SETD3: variants seen among roughly 807,000 people sequenced by gnomAD.
SETD3 encodes SET domain containing 3, actin N3(tau)-histidine methyltransferase.
In SETD3, 19 loss-of-function variants were observed where a neutral mutation model predicts 63.0. The observed-to-expected ratio is 0.30, with a 90% confidence interval of 0.21 to 0.44. The LOEUF is 0.44. SETD3 is among the 20% of genes least tolerant of loss of function. The pLI is 1.00. For missense variants in SETD3, 587 were observed against 728.5 expected (o/e 0.81, Z 2.24); for synonymous variants, 286 against 264.1 (o/e 1.08, Z -0.80).
rs561840260 is a variant in SETD3, at chr14:99,458,602, G to A, written c.419-67C>T. On this transcript the variant is annotated intron_variant, in intron 5 of 12. Transcript: ENST00000331768. Reference sequence around the variant, plus strand: ...TCTTAAAAACTTCATTTAAATATACGTTTACAAATTACAGAAAAACTAAAA... The same window carrying A: ...TCTTAAAAACTTCATTTAAATATACATTTACAAATTACAGAAAAACTAAAA... The A allele has an allele frequency of 2.8e-5, 43 of 1,541,542 alleles. No individual in the cohort carries two copies. In the South Asian group the frequency reaches 3.3e-4, roughly 12 times the overall value.
chr14:99,464,327 C>T (rs995755185), intron 2 of SETD3, among the ~76,000 whole-genome samples: 1 of 152,218 alleles, frequency 6.6e-6, no homozygotes, highest in Non-Finnish European at 1.5e-5. Context: ...CCTTTGGGGC[C>T]CCTTTGCTCT....
At chr14:99,459,686 T>G (rs1894963719) in intron 4 of SETD3, among the ~76,000 whole-genome samples, 1 of 152,236 alleles carries the variant, frequency 6.6e-6, no homozygotes, top group South Asian at 2.1e-4. Context: ...TGAAATCACA[T>G]GCCCAGAAGA....
At chr14:99,482,793 T>G (rs3918042), upstream of SETD3, among the ~76,000 whole-genome samples, 950 of 152,292 alleles carry the variant, frequency 6.2e-3, 17 homozygotes, top group African/African-American at 0.022. Context: ...TAAAGAAAAA[T>G]TGGTCATAGC....
At chr14:99,428,626 C>A (rs1893009772) in intron 6 of SETD3, among the ~76,000 whole-genome samples, 1 of 152,000 alleles carries the variant, frequency 6.6e-6, no homozygotes, top group Non-Finnish European at 1.5e-5. Flanking sequence ...GCCTGGGTGA[C>A]AGAGTAAGTC....
Position 99,458,379 on chromosome 14 carries a change from T to C in SETD3, c.575A>G (p.Asp192Gly), listed in dbSNP as rs376018301. ...EYDTPLYFEE[D>G]EVRYLQSTQA... ...TGTGGACTGAAGATACCGAACTTCA[T>C]CTTCTTCAAAGTAGAGAGGAGTGTC... is the stretch of plus-strand genomic sequence containing the variant. The change falls in exon 6 of 13, where the codon GAT becomes GGT. Residue 192 changes from aspartate (D) to glycine (G), a missense_variant. Asp to Gly is a moderately conservative substitution (Grantham distance 94, BLOSUM62 -1). Transcript: ENST00000331768. The C allele has an allele frequency of 1.2e-5, 19 of 1,614,142 alleles. No individual in the cohort carries two copies. The highest frequency in any genetic ancestry group is 1.7e-5 in the Admixed American group (1 of 60,008).
At chr14:99,454,389 A>G (rs930957629) in intron 6 of SETD3, among the ~76,000 whole-genome samples, 1 of 152,116 alleles carries the variant, frequency 6.6e-6, no homozygotes, top group Non-Finnish European at 1.5e-5. Context: ...CAGGCTTGAC[A>G]GCAACTTTGA....
chr14:99,477,512 T>C lies in SETD3; in HGVS notation c.-9+3216A>G, dbSNP rs1595288298. Among the ~76,000 whole-genome samples the C allele has an allele frequency of 2.0e-5, 3 of 152,146 alleles. No homozygotes were observed. The East Asian group carries it at 5.8e-4, about 29-fold the overall frequency. On this transcript the variant is annotated intron_variant, in intron 1 of 12. Coordinates refer to ENST00000331768, the MANE Select transcript of SETD3 (RefSeq NM_032233.3). ...GCTCACGCCTGTAATCCCAGCACTTTGGGAGGCTGAGGTGGGCGGATCATC... is the reference window on the plus strand; with the variant it reads ...GCTCACGCCTGTAATCCCAGCACTTCGGGAGGCTGAGGTGGGCGGATCATC...
intron 8 of SETD3, chr14:99,412,628 G>A (rs764858908): frequency 1.3e-5 from 3 of 224,464 alleles, no homozygotes; most frequent in African/African-American, 6.8e-5. Flanking sequence ...AGAAACTTTG[G>A]TTTAGTCTGT....
chr14:99,453,342 A>T (rs1894570596), intron 6 of SETD3, among the ~76,000 whole-genome samples: 1 of 152,218 alleles, frequency 6.6e-6, no homozygotes, highest in Non-Finnish European at 1.5e-5. Context: ...AAAACTAGAA[A>T]AACAGCTAGA....
Position 99,480,849 on chromosome 14 carries a change from G to GACGGC in SETD3, c.-135_-131dup, listed in dbSNP as rs1290746614. 17 of 159,152 alleles carry GACGGC rather than the reference G, an allele frequency of 1.1e-4. No individual in the cohort carries two copies. The highest frequency in any genetic ancestry group is 4.1e-4 in the African/African-American group (17 of 41,436). The allele number at this position is 159,152 out of a possible 1,614,324, so 9.9% of individuals were successfully genotyped here. On this transcript the variant is annotated 5_prime_UTR_variant, in exon 1 of 13. Coordinates refer to ENST00000331768, the MANE Select transcript of SETD3 (RefSeq NM_032233.3). ...GGCGGCGGCCGGACGGGAGGGGCGG[G>GACGGC]ACGGCAGCCTGAGACGGCCCCGCGA...
At chr14:99,447,887 G>A (rs1894226374) in intron 6 of SETD3, among the ~76,000 whole-genome samples, 1 of 152,172 alleles carries the variant, frequency 6.6e-6, no homozygotes, top group Non-Finnish European at 1.5e-5. Context: ...GATCTTTAGG[G>A]AGCTGGAAGA....
At chr14:99,465,369 A>G (rs1895312268) in intron 2 of SETD3, among the ~76,000 whole-genome samples, 1 of 152,246 alleles carries the variant, frequency 6.6e-6, no homozygotes, top group Non-Finnish European at 1.5e-5. Flanking sequence ...GGAAGGGTTC[A>G]GTAATCTGCC....
At chr14:99,418,475 T>C (rs945424793) in intron 6 of SETD3, among the ~76,000 whole-genome samples, 3 of 152,164 alleles carry the variant, frequency 2.0e-5, no homozygotes, top group African/African-American at 7.2e-5. Context: ...AACTCTCACA[T>C]TTGGCCTTTT....
intron 12 of SETD3, among the ~76,000 whole-genome samples, chr14:99,399,750 T>A: frequency 7.2e-6 from 1 of 139,436 alleles, no homozygotes. Flanking sequence ...AATTTTTTTT[T>A]TTTTTTTTTT....
intron 6 of SETD3, 101 bp downstream of exon 6, chr14:99,458,178 A>T: frequency 7.7e-7 from 1 of 1,307,156 alleles, no homozygotes; most frequent in Non-Finnish European, 1.1e-6. Context: ...TAAAATGTTT[A>T]AGTATCCTTA....
At chr14:99,455,631 T>A (rs970058107) in intron 6 of SETD3, among the ~76,000 whole-genome samples, 4 of 152,112 alleles carry the variant, frequency 2.6e-5, no homozygotes, top group Non-Finnish European at 5.9e-5. Flanking sequence ...ACAACCAGTG[T>A]TGGTAGGCCT....
In SETD3 at chr14:99,411,761, T is replaced by C. The variant is rs555096163; in HGVS notation, c.849+1190A>G. The C allele has an allele frequency of 2.0e-5, 3 of 152,372 alleles. No homozygotes were observed. The East Asian group carries it at 5.8e-4, about 29-fold the overall frequency. 9.4% of individuals were successfully genotyped at this position (152,372 alleles called of 1,614,324 possible). ...ACAAAAAATGTAAAATTATATTCAT[T>C]AATGAAAATAAGTTATAAAACATGC... On this transcript the variant is annotated intron_variant, in intron 8 of 12. Coordinates refer to ENST00000331768, the MANE Select transcript of SETD3 (RefSeq NM_032233.3).
At chr14:99,469,759 C>A in intron 1 of SETD3, among the ~76,000 whole-genome samples, 1 of 152,092 alleles carries the variant, frequency 6.6e-6, no homozygotes, top group East Asian at 1.9e-4. Flanking sequence ...AAAAGAGAAA[C>A]CTACAAACCG....
chr14:99,447,386 T>G (rs1894197553), intron 6 of SETD3, among the ~76,000 whole-genome samples: 1 of 152,248 alleles, frequency 6.6e-6, no homozygotes, highest in Non-Finnish European at 1.5e-5. Flanking sequence ...CTATAACATT[T>G]ACAAAACAAG....
Sources: gnomAD v4.1 joint callset for allele counts (sites outside exome capture counted in the v4.1 genomes callset) on GRCh38, gnomAD v4.1.1 for gene constraint, MANE v1.5 for transcripts, NCBI Gene and HGNC (gene_info 2026-07-23, HGNC 2026-07-21) for gene names.